The following PDE10A variants were observed in gnomAD, a reference collection of about 807,000 sequenced individuals.
PDE10A encodes cAMP and cAMP-inhibited cGMP 3',5'-cyclic phosphodiesterase 10A.
Under a neutral mutation model 97.7 loss-of-function variants are expected in PDE10A, and 39 were observed. The observed-to-expected ratio is 0.40, with a 90% CI of 0.31 to 0.52. The LOEUF is 0.52. Ranked by LOEUF, PDE10A falls within the 20% of genes least tolerant of loss-of-function variation. The pLI, the probability that PDE10A is intolerant of heterozygous loss-of-function variation, is 0.56. For synonymous variants in PDE10A, 371 were observed against 376.8 expected, an observed-to-expected ratio of 0.98 and a Z score of 0.18; for missense variants, 731 against 1,047.8, an observed-to-expected ratio of 0.70 and a Z score of 4.17.
At chr6:165,682,981 A>G (rs1791017498) in intron 1 of PDE10A, among the ~76,000 whole-genome samples, 1 of 152,186 alleles carries the variant, frequency 6.6e-6, no homozygotes, top group Non-Finnish European at 1.5e-5. Flanking sequence ...TTGTCTGTTC[A>G]TTGTGTCGTT....
At chr6:165,339,235 C>T (rs553228188) in intron 20 of PDE10A, 43 bp downstream of exon 20, 144 of 1,121,188 alleles carry the variant, frequency 1.3e-4, no homozygotes, top group Admixed American at 2.4e-4. Flanking sequence ...CCACCTTAAA[C>T]TATTTGGCTT....
chr6:165,553,911 A>C (rs750144225), intron 1 of PDE10A, among the ~76,000 whole-genome samples: 1 of 152,202 alleles, frequency 6.6e-6, no homozygotes, highest in Non-Finnish European at 1.5e-5. Context: ...TCTGTGACTC[A>C]GAAAACCAAT....
At chr6:165,554,120 TA>T (rs899825331) in intron 1 of PDE10A, among the ~76,000 whole-genome samples, 5 of 152,100 alleles carry the variant, frequency 3.3e-5, no homozygotes, top group African/African-American at 1.2e-4. Context: ...TCTTGAGCAA[TA>T]CCTCATAAGC....
intron 19 of PDE10A, 78 bp downstream of exon 19, chr6:165,343,313 C>G: frequency 9.9e-7 from 1 of 1,005,204 alleles, no homozygotes; most frequent in South Asian, 1.3e-5. Context: ...ACATGAACAA[C>G]TAAAGTATTC....
intron 20 of PDE10A, 95 bp from the exon 21 acceptor site, chr6:165,336,306 G>A (rs1781643138): frequency 4.9e-6 from 4 of 818,264 alleles, no homozygotes; most frequent in South Asian, 3.2e-5. Context: ...CTGTTTCTGA[G>A]GCCTAATTAT....
At chr6:165,507,681 C>T (rs977793752) in intron 2 of PDE10A, among the ~76,000 whole-genome samples, 1 of 152,062 alleles carries the variant, frequency 6.6e-6, no homozygotes, top group African/African-American at 2.4e-5. Flanking sequence ...TTCCTCTCCA[C>T]TTCATTTTCC....
intron 1 of PDE10A, among the ~76,000 whole-genome samples, chr6:165,742,778 T>A (rs894014985): frequency 1.3e-5 from 2 of 152,128 alleles, no homozygotes; most frequent in African/African-American, 2.4e-5. Flanking sequence ...GCCTCTCAGC[T>A]GTGCTCTTCC....
At chr6:165,658,841 G>C (rs1453117545) in intron 1 of PDE10A, among the ~76,000 whole-genome samples, 3 of 152,194 alleles carry the variant, frequency 2.0e-5, no homozygotes, top group Non-Finnish European at 2.9e-5. Flanking sequence ...ATGAGGTGAA[G>C]TCAGGAATGG....
chr6:165,478,168 A>G (rs1426252231), intron 3 of PDE10A, among the ~76,000 whole-genome samples: 1 of 152,174 alleles, frequency 6.6e-6, no homozygotes, highest in African/African-American at 2.4e-5. Flanking sequence ...TAATTTTCCA[A>G]TCTCAATCAA....
At chr6:165,743,133 AC>A (rs1284856205) in intron 1 of PDE10A, among the ~76,000 whole-genome samples, 2 of 152,152 alleles carry the variant, frequency 1.3e-5, no homozygotes, top group Non-Finnish European at 2.9e-5. Flanking sequence ...TTGATCATGT[AC>A]CTACTACGTG....
intron 2 of PDE10A, among the ~76,000 whole-genome samples, chr6:165,517,644 G>C (rs1781889434): frequency 6.6e-6 from 1 of 152,144 alleles, no homozygotes; most frequent in South Asian, 2.1e-4. Context: ...GACACTGCAT[G>C]ATGTCATTCA....
intron 18 of PDE10A, among the ~76,000 whole-genome samples, chr6:165,365,386 T>C (rs114738598): frequency 0.011 from 1,746 of 152,288 alleles, 28 homozygotes; most frequent in African/African-American, 0.04. Context: ...GAAAGTTTGT[T>C]AAATATTTTT....
intron 1 of PDE10A, among the ~76,000 whole-genome samples, chr6:165,577,657 C>T (rs910476322): frequency 3.9e-5 from 6 of 152,222 alleles, no homozygotes; most frequent in Admixed American, 2.0e-4. Context: ...CGTGGGCCGC[C>T]TGCTATGAGT....
chr6:165,396,602 T>C lies in PDE10A; in HGVS notation c.2077-143A>G, dbSNP rs1004300346. The C allele has an allele frequency of 1.1e-5, 8 of 727,188 alleles. No individual in the cohort carries two copies. In the African/African-American group the frequency reaches 1.3e-4, roughly 11 times the overall value. The allele number at this position is 727,188 out of a possible 1,614,324, so 45.0% of individuals were successfully genotyped here. ...ATTTATTATTATCCGTATTTCCATA[T>C]GCACTGGGATGTGCAGACATGACTT... On this transcript the variant is annotated intron_variant, in intron 13 of 21. Transcript: ENST00000539869.
intron 1 of PDE10A, among the ~76,000 whole-genome samples, chr6:165,615,143 G>C (rs1787668640): frequency 6.6e-6 from 1 of 150,720 alleles, no homozygotes; most frequent in Non-Finnish European, 1.5e-5. Flanking sequence ...CCAGGAGGCG[G>C]AGGTTGCAGT....
chr6:165,336,755 C>CAAAAAA (rs776243789), intron 20 of PDE10A, among the ~76,000 whole-genome samples: 1 of 50,474 alleles, frequency 2.0e-5, no homozygotes, highest in African/African-American at 7.0e-5. Context: ...GACTCCGTCT[C>CAAAAAA]AAAAAAAAAA....
chr6:165,887,325 A>G (rs1781655998), intron 1 of PDE10A, among the ~76,000 whole-genome samples: 1 of 152,206 alleles, frequency 6.6e-6, no homozygotes, highest in Non-Finnish European at 1.5e-5. Flanking sequence ...AAGAACCCCC[A>G]GATTCTTGGG....
At chr6:165,725,081 G>A (rs1792259465) in intron 1 of PDE10A, among the ~76,000 whole-genome samples, 1 of 152,196 alleles carries the variant, frequency 6.6e-6, no homozygotes, top group Non-Finnish European at 1.5e-5. Flanking sequence ...GAGTCCGGCT[G>A]CTGAGCAGCC....
intron 13 of PDE10A, among the ~76,000 whole-genome samples, chr6:165,404,834 C>G (rs1172407563): frequency 6.7e-6 from 1 of 148,896 alleles, no homozygotes; most frequent in African/African-American, 2.5e-5. Context: ...TTTATGGAAA[C>G]CACAGTACCA....
Sources: allele counts gnomAD v4.1 joint callset (sites outside exome capture counted in the v4.1 genomes callset), GRCh38; gene constraint gnomAD v4.1.1; transcripts MANE v1.5; gene names NCBI Gene and HGNC (gene_info 2026-07-23, HGNC 2026-07-21).